The following NALF1 variants were observed in gnomAD, a reference collection of about 807,000 sequenced individuals.
NALF1 encodes family with sequence similarity 155 member A.
A neutral mutation model predicts 48.4 loss-of-function variants in NALF1; 3 were observed. The ratio of observed to expected loss-of-function variants is 0.06; its 90% CI spans 0.03 to 0.16. NALF1 has a LOEUF of 0.16. Ranked by LOEUF, NALF1 falls within the 10% of genes least tolerant of loss-of-function variation. The pLI is 1.00. For synonymous variants in NALF1, 262 were observed against 245.7 expected (o/e 1.07, Z -0.62); for missense variants, 526 against 571.5 (o/e 0.92, Z 0.81).
At chr13:107,744,915 T>A (rs1876743433) in intron 1 of NALF1, among the ~76,000 whole-genome samples, 1 of 152,218 alleles carries the variant, frequency 6.6e-6, no homozygotes, top group South Asian at 2.1e-4. Context: ...ATTTCATTCA[T>A]CTCACCGTGA....
chr13:107,756,132 G>A (rs748712100), intron 1 of NALF1, among the ~76,000 whole-genome samples: 75 of 152,160 alleles, frequency 4.9e-4, no homozygotes, highest in Non-Finnish European at 8.8e-4. Context: ...GGGAAGAGAA[G>A]CTAGAAGAGA....
chr13:107,314,195 C>A (rs1051105384), intron 1 of NALF1, among the ~76,000 whole-genome samples: 2 of 152,106 alleles, frequency 1.3e-5, no homozygotes, highest in African/African-American at 4.8e-5. Context: ...CAATCACTAC[C>A]CCTGCAAAGG....
intron 1 of NALF1, among the ~76,000 whole-genome samples, chr13:107,449,633 C>G (rs1009818793): frequency 1.3e-5 from 2 of 150,748 alleles, no homozygotes; most frequent in Non-Finnish European, 3.0e-5. Context: ...CTTGGGGAAC[C>G]TGGAGGTTAA....
rs1882723348 is a variant in NALF1 at position 107,343,727 on chromosome 13, G to A, written c.916-132972C>T. 3.3e-5 allele frequency among the ~76,000 whole-genome samples: 5 copies of A among 152,032 alleles called. No individual in the cohort carries two copies. In the South Asian group the frequency reaches 1.0e-3, roughly 32 times the overall value. ...GGGATGCAGCCAAAAGCAGCACCAA[G>A]AGCAAAGTTTATAGTGATAAAAACC... On this transcript the variant is annotated intron_variant, in intron 1 of 2. Coordinates refer to ENST00000375915, the MANE Select transcript of NALF1 (RefSeq NM_001080396.3).
chr13:107,526,993 T>C (rs1260985670), intron 1 of NALF1, among the ~76,000 whole-genome samples: 1 of 152,190 alleles, frequency 6.6e-6, no homozygotes, highest in Non-Finnish European at 1.5e-5. Flanking sequence ...CCATGAAGTC[T>C]CTTGAATAAG....
At chr13:107,643,568 A>C (rs1471718039) in intron 1 of NALF1, among the ~76,000 whole-genome samples, 1 of 151,884 alleles carries the variant, frequency 6.6e-6, no homozygotes, top group Non-Finnish European at 1.5e-5. Context: ...CGAAATGACA[A>C]TTTAAAATAT....
chr13:107,339,622 G>T (rs2138932736), intron 1 of NALF1, among the ~76,000 whole-genome samples: 1 of 152,268 alleles, frequency 6.6e-6, no homozygotes, highest in South Asian at 2.1e-4. Flanking sequence ...AGGAGCACTG[G>T]CACAGCGTCC....
chr13:107,326,686 A>T (rs1882371639), intron 1 of NALF1, among the ~76,000 whole-genome samples: 1 of 152,222 alleles, frequency 6.6e-6, no homozygotes, highest in Non-Finnish European at 1.5e-5. Context: ...TTGTCTACAG[A>T]ATACTTTAAG....
chr13:107,263,451 T>C (rs1453227081), intron 1 of NALF1, among the ~76,000 whole-genome samples: 1 of 152,154 alleles, frequency 6.6e-6, no homozygotes, highest in Non-Finnish European at 1.5e-5. Flanking sequence ...ACGGTTTGGC[T>C]GTGGCCCCAC....
At chr13:107,211,756 A>G (rs1242641020) in intron 1 of NALF1, among the ~76,000 whole-genome samples, 1 of 152,202 alleles carries the variant, frequency 6.6e-6, no homozygotes, top group African/African-American at 2.4e-5. Context: ...AGAAAAATGG[A>G]GGCGCAGCAG....
intron 1 of NALF1, among the ~76,000 whole-genome samples, chr13:107,398,381 A>G (rs1883748463): frequency 7.9e-6 from 1 of 127,318 alleles, no homozygotes. Context: ...CTGTAAACAA[A>G]CATCCAAAAA....
At chr13:107,345,302 A>G (rs1409476864) in intron 1 of NALF1, among the ~76,000 whole-genome samples, 2 of 152,198 alleles carry the variant, frequency 1.3e-5, no homozygotes, top group Non-Finnish European at 2.9e-5. Flanking sequence ...AAACAGAAAA[A>G]AATTCTAAAA....
chr13:107,601,379 A>G (rs1444393730), intron 1 of NALF1, among the ~76,000 whole-genome samples: 1 of 152,168 alleles, frequency 6.6e-6, no homozygotes, highest in Non-Finnish European at 1.5e-5. Flanking sequence ...AATTGTGGAC[A>G]TTGGGCTGAG....
At chr13:107,822,468 C>A (rs553761871) in intron 1 of NALF1, among the ~76,000 whole-genome samples, 56 of 152,208 alleles carry the variant, frequency 3.7e-4, no homozygotes, top group African/African-American at 1.3e-3. Context: ...CTTACTGAAT[C>A]AGAAATCCTG....
intron 1 of NALF1, among the ~76,000 whole-genome samples, chr13:107,613,318 A>C (rs566117299): frequency 5.9e-4 from 90 of 152,356 alleles, no homozygotes; most frequent in African/African-American, 2.1e-3. Context: ...TACAAAAAAG[A>C]AACCTGAAAA....
At chr13:107,790,047 G>A (rs1188911068) in intron 1 of NALF1, among the ~76,000 whole-genome samples, 1 of 151,920 alleles carries the variant, frequency 6.6e-6, no homozygotes, top group African/African-American at 2.4e-5. Flanking sequence ...TAAAATTACT[G>A]CTATCTTACA....
At chr13:107,302,162 C>A (rs931963027) in intron 1 of NALF1, among the ~76,000 whole-genome samples, 4 of 152,192 alleles carry the variant, frequency 2.6e-5, no homozygotes, top group African/African-American at 4.8e-5. Context: ...GCAAGCTCAG[C>A]CCCTGCACCA....
chr13:107,691,957 C>G (rs981842442), intron 1 of NALF1, among the ~76,000 whole-genome samples: 4 of 152,118 alleles, frequency 2.6e-5, no homozygotes, highest in Non-Finnish European at 5.9e-5. Flanking sequence ...TTCTTTTTAT[C>G]TTAATCTCTG....
At chr13:107,734,406 AAAAACAC>A (rs1259486852) in intron 1 of NALF1, among the ~76,000 whole-genome samples, 12 of 81,278 alleles carry the variant, frequency 1.5e-4, no homozygotes, top group Admixed American at 4.6e-4. Flanking sequence ...TCCTTTAAAA[AAAAACAC>A]ACACACACAC....
Sources: gnomAD v4.1 joint callset for allele counts (sites outside exome capture counted in the v4.1 genomes callset) on GRCh38, gnomAD v4.1.1 for gene constraint, MANE v1.5 for transcripts, NCBI Gene and HGNC (gene_info 2026-07-23, HGNC 2026-07-21) for gene names.